CHST9: variants seen among roughly 807,000 people sequenced by gnomAD.
The protein encoded by CHST9 is carbohydrate sulfotransferase 9, also known as GalNAc-4-sulfotransferase 2.
CHST9 carries 41 observed loss-of-function variants against 44.4 expected under a neutral mutation model. That is an observed-to-expected ratio of 0.92 (90% CI 0.72 to 1.20). The LOEUF (loss-of-function observed/expected upper bound fraction) is 1.20, where lower values mean the gene tolerates loss of function less well. CHST9 is among the 50% of genes most tolerant of loss of function. The pLI, the probability that CHST9 is intolerant of heterozygous loss-of-function variation, is 0.00. For synonymous variants in CHST9, 171 were observed against 178.4 expected, an observed-to-expected ratio of 0.96 and a Z score of 0.33; for missense variants, 504 against 516.5, an observed-to-expected ratio of 0.98 and a Z score of 0.23.
intron 2 of CHST9, among the ~76,000 whole-genome samples, chr18:27,085,147 T>A (rs2057999734): frequency 6.6e-6 from 1 of 151,982 alleles, no homozygotes; most frequent in South Asian, 2.1e-4. Context: ...TCTGTAGATG[T>A]CTGTTGCACC....
chr18:27,109,815 T>C (rs2058254622), intron 2 of CHST9, among the ~76,000 whole-genome samples: 1 of 152,132 alleles, frequency 6.6e-6, no homozygotes, highest in African/African-American at 2.4e-5. Flanking sequence ...CTAGGTGAGT[T>C]TGACAGTCTG....
chr18:26,973,074 T>C lies in CHST9; in HGVS notation c.203-28708A>G, dbSNP rs554790528. The stretch of plus-strand genomic sequence containing the variant: ...AACATGTTCTCTCCTTTTTCATGTC[T>C]TAGCTCAAATGTCTCCCGTTGGAGA... On this transcript the variant is annotated intron_variant, in intron 4 of 5. Coordinates refer to ENST00000618847, the MANE Select transcript of CHST9 (RefSeq NM_031422.6). Among the ~76,000 whole-genome samples the C allele has an allele frequency of 7.4e-3, 1,133 of 152,244 alleles. 19 individuals are homozygous for C. The highest frequency in any genetic ancestry group is 7.7e-3 in the Non-Finnish European group (525 of 68,024).
chr18:26,988,285 A>G (rs922622002), intron 4 of CHST9, among the ~76,000 whole-genome samples: 3 of 152,200 alleles, frequency 2.0e-5, no homozygotes, highest in Non-Finnish European at 4.4e-5. Context: ...ATAAAGAAGC[A>G]TAGCACAACA....
intron 4 of CHST9, among the ~76,000 whole-genome samples, chr18:26,982,529 T>G (rs992841399): frequency 3.3e-5 from 5 of 152,108 alleles, no homozygotes; most frequent in Admixed American, 2.6e-4. Context: ...TAGAGTAAAT[T>G]CATTGTGTGT....
At chr18:27,109,312 A>G (rs1325344031) in intron 2 of CHST9, among the ~76,000 whole-genome samples, 2 of 152,120 alleles carry the variant, frequency 1.3e-5, no homozygotes, top group African/African-American at 4.8e-5. Flanking sequence ...AACCCATAGG[A>G]CACAAGCTGT....
intron 2 of CHST9, among the ~76,000 whole-genome samples, chr18:27,095,297 A>G (rs566285209): frequency 2.0e-5 from 3 of 152,188 alleles, no homozygotes; most frequent in Admixed American, 2.0e-4. Flanking sequence ...GAATAGAATA[A>G]TCTTTTAATG....
At chr18:26,934,474 T>TCCGC (rs1374088066) in intron 5 of CHST9, 3 of 152,072 alleles carry the variant, frequency 2.0e-5, no homozygotes, top group Non-Finnish European at 4.4e-5. Flanking sequence ...GACCTTGTGA[T>TCCGC]CCGCCCGCCC....
At chr18:27,137,254 T>C (rs2058521593) in intron 2 of CHST9, among the ~76,000 whole-genome samples, 1 of 151,202 alleles carries the variant, frequency 6.6e-6, no homozygotes, top group Non-Finnish European at 1.5e-5. Flanking sequence ...ATTGATTATA[T>C]TGATTTATAT....
chr18:26,987,957 C>A (rs1186972023), intron 4 of CHST9, among the ~76,000 whole-genome samples: 2 of 151,826 alleles, frequency 1.3e-5, no homozygotes, highest in African/African-American at 4.8e-5. Flanking sequence ...TATAAGATAC[C>A]CAATTTATGA....
intron 4 of CHST9, among the ~76,000 whole-genome samples, chr18:26,998,657 C>T (rs113067088): frequency 2.0e-5 from 3 of 147,686 alleles, no homozygotes; most frequent in Admixed American, 6.9e-5. Context: ...ACCTGGGAGG[C>T]GGAAGCTGCA....
At chr18:27,180,773 T>C (rs982577139) in intron 1 of CHST9, among the ~76,000 whole-genome samples, 7 of 152,184 alleles carry the variant, frequency 4.6e-5, no homozygotes, top group Non-Finnish European at 8.8e-5. Context: ...TTAAGATTCT[T>C]TCCAGCTCTA....
chr18:27,162,396 G>T (rs1377464453), intron 1 of CHST9, among the ~76,000 whole-genome samples: 1 of 152,014 alleles, frequency 6.6e-6, no homozygotes, highest in African/African-American at 2.4e-5. Flanking sequence ...ATGAAATTCT[G>T]GGTTGAAAAT....
chr18:27,150,496 A>G (rs1196915310), intron 1 of CHST9, among the ~76,000 whole-genome samples: 1 of 152,198 alleles, frequency 6.6e-6, no homozygotes, highest in Non-Finnish European at 1.5e-5. Flanking sequence ...CTTAGGAGTT[A>G]ATCTTCTAGC....
At chr18:27,009,303 C>T (rs1053171889) in intron 4 of CHST9, among the ~76,000 whole-genome samples, 8 of 152,062 alleles carry the variant, frequency 5.3e-5, no homozygotes, top group African/African-American at 1.9e-4. Context: ...AAAATAATGA[C>T]CTTAGAGTTT....
chr18:27,067,285 T>C (rs2057791982), intron 2 of CHST9, among the ~76,000 whole-genome samples: 1 of 152,014 alleles, frequency 6.6e-6, no homozygotes, highest in African/African-American at 2.4e-5. Context: ...AAGCATCTCT[T>C]TGGAGAGCAA....
rs551301315 is a variant in CHST9, at chr18:27,005,295, T to C, written c.202+18821A>G. Among the ~76,000 whole-genome samples the C allele has an allele frequency of 7.9e-5, 12 of 152,350 alleles. 1 individual carries two copies. Among genetic ancestry groups the C allele is most frequent in the African/African-American group, 2.6e-4 (11 of 41,576 alleles). ...TCAAGCTTTTAGCAGCATCTCTGCA[T>C]ATATTTAGGACTTAATAAATGATAG... On this transcript the variant is annotated intron_variant, in intron 4 of 5. Transcript: ENST00000618847.
intron 4 of CHST9, among the ~76,000 whole-genome samples, chr18:27,013,398 A>G (rs2145250190): frequency 6.6e-6 from 1 of 152,360 alleles, no homozygotes; most frequent in Non-Finnish European, 1.5e-5. Context: ...TAATTTAAAT[A>G]TTCTTTTATA....
intron 2 of CHST9, among the ~76,000 whole-genome samples, chr18:27,107,964 G>A (rs2143771195): frequency 6.6e-6 from 1 of 152,264 alleles, no homozygotes; most frequent in Middle Eastern, 3.4e-3. Flanking sequence ...TTATTACTCA[G>A]GGCTTGTTTC....
At chr18:27,175,718 C>A (rs2058863128) in intron 1 of CHST9, among the ~76,000 whole-genome samples, 1 of 151,998 alleles carries the variant, frequency 6.6e-6, no homozygotes, top group Non-Finnish European at 1.5e-5. Flanking sequence ...TAGAGATGTT[C>A]ACTCAACATT....
Sources: gnomAD v4.1 joint callset for allele counts (sites outside exome capture counted in the v4.1 genomes callset) on GRCh38, gnomAD v4.1.1 for gene constraint, MANE v1.5 for transcripts, NCBI Gene and HGNC (gene_info 2026-07-23, HGNC 2026-07-21) for gene names.